Variants in CPQ observed in about 807,000 individuals in gnomAD.
CPQ encodes the protein Ser-Met dipeptidase.
CPQ carries 37 observed loss-of-function variants against 45.7 expected under a neutral mutation model. The observed-to-expected ratio is 0.81, with a 90% confidence interval of 0.62 to 1.07. The LOEUF (loss-of-function observed/expected upper bound fraction) is 1.07. Ranked by LOEUF, CPQ falls within the 50% of genes least tolerant of loss-of-function variation. The pLI is 0.00. For missense variants in CPQ, 537 were observed against 572.9 expected (o/e 0.94, Z 0.64); for synonymous variants, 186 against 205.8 (o/e 0.90, Z 0.82).
chr8:96,889,985 A>C (rs1812352258), intron 4 of CPQ, among the ~76,000 whole-genome samples: 2 of 152,320 alleles, frequency 1.3e-5, no homozygotes, highest in South Asian at 4.1e-4. Context: ...TCAAGTTGAC[A>C]CTTAATATTA....
At chr8:96,706,346 C>G (rs573263169) in intron 1 of CPQ, among the ~76,000 whole-genome samples, 1 of 152,164 alleles carries the variant, frequency 6.6e-6, no homozygotes, top group Admixed American at 6.6e-5. Context: ...TTCCCTATAT[C>G]TAAGTAACTT....
chr8:97,133,338 G>A lies in CPQ; in HGVS notation c.1256-9682G>A, dbSNP rs538729889. On this transcript the variant is annotated intron_variant, in intron 7 of 7. Coordinates refer to ENST00000220763, the MANE Select transcript of CPQ (RefSeq NM_016134.4). ...CTACCTGAAGGCCAGCCCTTATATT[G>A]GTGATCAGTTTGTTCAGTGCTCTTA... The A allele has an allele frequency of 9.9e-5, 15 of 152,242 alleles. No individual in the cohort carries two copies. The South Asian group carries it at 2.7e-3, about 27-fold the overall frequency. The allele number at this position is 152,242 out of a possible 1,614,324, so 9.4% of individuals were successfully genotyped here. A position where few individuals can be genotyped will look rare whatever the true frequency, so the allele number is the denominator to read the frequency against.
intron 7 of CPQ, among the ~76,000 whole-genome samples, chr8:97,095,282 AC>A (rs1811191822): frequency 6.6e-6 from 1 of 152,136 alleles, no homozygotes; most frequent in Non-Finnish European, 1.5e-5. Flanking sequence ...CACCCTTACC[AC>A]AACCCATCTC....
intron 3 of CPQ, among the ~76,000 whole-genome samples, chr8:96,846,862 T>G (rs377087450): frequency 6.6e-5 from 10 of 152,232 alleles, no homozygotes; most frequent in East Asian, 5.8e-4. Context: ...TACATTTAGT[T>G]GTCATAAAGC....
At chr8:96,721,793 G>A (rs112052332) in intron 1 of CPQ, among the ~76,000 whole-genome samples, 3 of 152,076 alleles carry the variant, frequency 2.0e-5, no homozygotes, top group African/African-American at 7.2e-5. Context: ...TTTCACTCTC[G>A]ACCTTGAACC....
intron 1 of CPQ, among the ~76,000 whole-genome samples, chr8:96,739,090 G>A (rs1181626081): frequency 3.3e-5 from 5 of 149,694 alleles, no homozygotes; most frequent in African/African-American, 9.8e-5. Context: ...GTGTAAAAGT[G>A]TTCCTATTTC....
At chr8:96,765,102 T>C (rs1810450199) in intron 1 of CPQ, among the ~76,000 whole-genome samples, 1 of 152,190 alleles carries the variant, frequency 6.6e-6, no homozygotes, top group South Asian at 2.1e-4. Flanking sequence ...TGACCTCTTT[T>C]TGCTGGTTTT....
chr8:97,094,290 G>A (rs200053251), intron 7 of CPQ, among the ~76,000 whole-genome samples: 1 of 152,204 alleles, frequency 6.6e-6, no homozygotes, highest in African/African-American at 2.4e-5. Flanking sequence ...ATTCAGCACA[G>A]CTTTGGGAAA....
At position 96,806,545 on chromosome 8, in the gene CPQ, A is replaced by G. The variant is rs567813316; in HGVS notation, c.433+21215A>G. 7.2e-5 allele frequency among the ~76,000 whole-genome samples: 11 copies of G among 152,358 alleles called. No individual in the cohort carries two copies. In the East Asian group the frequency reaches 1.7e-3, roughly 24 times the overall value. On this transcript the variant is annotated intron_variant, in intron 2 of 7. Transcript: ENST00000220763. ...TAGTAAACCAGGTCAGATTTATACA[A>G]GGAAATACTAGAAAGCAGTTAAAAT...
chr8:96,804,660 C>T (rs1811055703), intron 2 of CPQ, among the ~76,000 whole-genome samples: 1 of 151,932 alleles, frequency 6.6e-6, no homozygotes, highest in Admixed American at 6.6e-5. Flanking sequence ...TCTATTCTGA[C>T]TGTCATGGAG....
intron 6 of CPQ, among the ~76,000 whole-genome samples, chr8:97,059,275 G>A (rs1810507648): frequency 1.3e-5 from 2 of 152,146 alleles, no homozygotes; most frequent in African/African-American, 2.4e-5. Flanking sequence ...CTCCAGGTAC[G>A]ATGGTGGCTA....
chr8:97,067,334 C>T (rs1204576746), intron 7 of CPQ, among the ~76,000 whole-genome samples: 1 of 152,154 alleles, frequency 6.6e-6, no homozygotes, highest in Non-Finnish European at 1.5e-5. Context: ...GTTGCTTCCT[C>T]AACACCATTA....
intron 5 of CPQ, among the ~76,000 whole-genome samples, chr8:96,968,964 G>A (rs1813617619): frequency 6.6e-6 from 1 of 152,172 alleles, no homozygotes; most frequent in Non-Finnish European, 1.5e-5. Flanking sequence ...ACTTGAAACT[G>A]TTTATTTGAA....
intron 4 of CPQ, among the ~76,000 whole-genome samples, chr8:96,951,415 A>G (rs1315346448): frequency 6.6e-6 from 1 of 152,092 alleles, no homozygotes; most frequent in East Asian, 1.9e-4. Flanking sequence ...TTACATTCTT[A>G]AAATTCGCTA....
intron 1 of CPQ, among the ~76,000 whole-genome samples, chr8:96,717,580 T>A (rs1809699303): frequency 6.6e-6 from 1 of 151,748 alleles, no homozygotes; most frequent in Non-Finnish European, 1.5e-5. Flanking sequence ...AATTTTAGGA[T>A]TTTTTTTTCT....
At chr8:96,864,539 A>G (rs985214925) in intron 3 of CPQ, among the ~76,000 whole-genome samples, 2 of 152,056 alleles carry the variant, frequency 1.3e-5, no homozygotes, top group Non-Finnish European at 2.9e-5. Flanking sequence ...AAGAAGCAGT[A>G]TGTAGAATGG....
chr8:96,942,461 G>A (rs985569240), intron 4 of CPQ, among the ~76,000 whole-genome samples: 1 of 152,118 alleles, frequency 6.6e-6, no homozygotes, highest in African/African-American at 2.4e-5. Context: ...TTCTCTGTTT[G>A]AGGCTGGGTT....
intron 5 of CPQ, among the ~76,000 whole-genome samples, chr8:97,011,503 G>A (rs1809484355): frequency 6.6e-6 from 1 of 152,182 alleles, no homozygotes; most frequent in African/African-American, 2.4e-5. Context: ...CACAGTACTG[G>A]TCAGATCTTC....
chr8:97,051,340 G>T (rs889731619), intron 6 of CPQ, among the ~76,000 whole-genome samples: 2 of 152,116 alleles, frequency 1.3e-5, no homozygotes, highest in Non-Finnish European at 2.9e-5. Flanking sequence ...AGCTAAATTT[G>T]CAATATAGTT....
Sources: allele counts gnomAD v4.1 joint callset (sites outside exome capture counted in the v4.1 genomes callset), GRCh38; gene constraint gnomAD v4.1.1; transcripts MANE v1.5; gene names NCBI Gene and HGNC (gene_info 2026-07-23, HGNC 2026-07-21).